The following CDH7 variants were observed in gnomAD, a reference collection of about 807,000 sequenced individuals.
CDH7 encodes cadherin-7.
Under a neutral mutation model 71.8 loss-of-function variants are expected in CDH7, and 25 were observed. The ratio of observed to expected loss-of-function variants is 0.35; its 90% CI spans 0.25 to 0.49. The LOEUF (loss-of-function observed/expected upper bound fraction) is 0.49, where lower values mean the gene tolerates loss of function less well. CDH7 is among the 20% of genes least tolerant of loss of function. CDH7 has a pLI of 0.99. For synonymous variants in CDH7, 381 were observed against 363.8 expected (o/e 1.05, Z -0.54); for missense variants, 862 against 974.6 (o/e 0.88, Z 1.54).
intron 4 of CDH7, among the ~76,000 whole-genome samples, chr18:65,817,463 A>G (rs1204542407): frequency 6.6e-6 from 1 of 152,152 alleles, no homozygotes. Context: ...TTCCAACTTT[A>G]CTACTTCACT....
intron 4 of CDH7, among the ~76,000 whole-genome samples, chr18:65,817,888 C>T (rs2068645): frequency 0.86 from 130,834 of 152,212 alleles, 57,971 homozygotes; most frequent in East Asian, 0.99. Flanking sequence ...CATTTGTGCT[C>T]ATTTCAGTTT....
intron 6 of CDH7, among the ~76,000 whole-genome samples, chr18:65,834,243 G>A (rs887794123): frequency 3.9e-5 from 6 of 152,194 alleles, no homozygotes; most frequent in African/African-American, 1.4e-4. Context: ...GAATGGAGAT[G>A]TGTAGGATGG....
intron 6 of CDH7, among the ~76,000 whole-genome samples, chr18:65,834,757 A>C (rs1021746647): frequency 6.6e-6 from 1 of 152,184 alleles, no homozygotes; most frequent in Non-Finnish European, 1.5e-5. Flanking sequence ...AGAAATTCCC[A>C]TGTCGAGATC....
chr18:65,875,453 G>A (rs1914046598), intron 11 of CDH7, among the ~76,000 whole-genome samples: 1 of 152,162 alleles, frequency 6.6e-6, no homozygotes, highest in Non-Finnish European at 1.5e-5. Flanking sequence ...CAGTAAAGCT[G>A]AGAATAAAGG....
Position 65,824,656 on chromosome 18 carries a change from A to G in CDH7, c.806A>G (p.Tyr269Cys), listed in dbSNP as rs373549208. The G allele has an allele frequency of 1.3e-5, 20 of 1,578,736 alleles. No homozygotes were observed. Among genetic ancestry groups the G allele is most frequent in the East Asian group, 6.8e-5 (3 of 43,994 alleles). Residue 269 changes from tyrosine (Y) to cysteine (C), a missense_variant, in exon 6 of 12, where the codon TAT becomes TGT. Tyr to Cys is a radical substitution (Grantham distance 194, BLOSUM62 -2). Coordinates refer to ENST00000397968, the MANE Select transcript of CDH7 (RefSeq NM_004361.5). ...TTGAATTTCACAGGGTCTTATCAAT[A>G]TAACGTCCCAGAGTCATTACCTGTA... ...PPRFPRRSYQYNVPESLPVAS... is the reference protein window; with the variant it reads ...PPRFPRRSYQCNVPESLPVAS...
In CDH7 at chr18:65,879,285, C is replaced by T. The variant is rs546625456; in HGVS notation, c.1865-1116C>T. Reference sequence around the variant, plus strand: ...AAGATACTTTAAAAATATTTCACGCCTGCTTTTAAAAATATGATGACAATA... The same window carrying T: ...AAGATACTTTAAAAATATTTCACGCTTGCTTTTAAAAATATGATGACAATA... On this transcript the variant is annotated intron_variant, in intron 11 of 11. Transcript: ENST00000397968. 3.3e-5 allele frequency among the ~76,000 whole-genome samples: 5 copies of T among 152,180 alleles called. No individual in the cohort carries two copies. In the East Asian group the frequency reaches 9.7e-4, roughly 29 times the overall value.
chr18:65,872,732 A>G (rs917674674), intron 11 of CDH7, among the ~76,000 whole-genome samples: 35 of 152,008 alleles, frequency 2.3e-4, no homozygotes, highest in African/African-American at 8.5e-4. Flanking sequence ...CTTTCTCTAC[A>G]AAAAATAAAA....
intron 1 of CDH7, among the ~76,000 whole-genome samples, chr18:65,757,103 A>G (rs1057160423): frequency 4.6e-5 from 7 of 151,418 alleles, no homozygotes; most frequent in East Asian, 1.9e-4. Context: ...TGAAAACACC[A>G]TTTGATTAAG....
In CDH7 at chr18:65,852,501, A is replaced by G. The variant is rs112435691; in HGVS notation, c.1236-5315A>G. Among the ~76,000 whole-genome samples the G allele has an allele frequency of 1.7e-3, 265 of 152,256 alleles. 1 individual carries two copies. Among genetic ancestry groups the G allele is most frequent in the African/African-American group, 5.8e-3 (239 of 41,556 alleles). On this transcript the variant is annotated intron_variant, in intron 7 of 11. Coordinates refer to ENST00000397968, the MANE Select transcript of CDH7 (RefSeq NM_004361.5). Reference sequence around the variant, plus strand: ...AAGCACTTGTCACCGCTTATTTACAATGTGGCTTCTGGATCTCTTCCATTG... The same window carrying G: ...AAGCACTTGTCACCGCTTATTTACAGTGTGGCTTCTGGATCTCTTCCATTG...
At chr18:65,861,342 T>C (rs1913558707) in intron 10 of CDH7, among the ~76,000 whole-genome samples, 1 of 151,730 alleles carries the variant, frequency 6.6e-6, no homozygotes, top group Admixed American at 6.6e-5. Flanking sequence ...TGTGTGTTTG[T>C]GTGTGTGTGT....
At chr18:65,763,374 A>G (rs1384799650) in intron 2 of CDH7, among the ~76,000 whole-genome samples, 1 of 152,168 alleles carries the variant, frequency 6.6e-6, no homozygotes, top group Non-Finnish European at 1.5e-5. Context: ...GAACAAGACT[A>G]TTCATAAAAA....
chr18:65,796,504 A>T (rs1910921021), intron 2 of CDH7, among the ~76,000 whole-genome samples: 2 of 152,186 alleles, frequency 1.3e-5, no homozygotes, highest in Non-Finnish European at 2.9e-5. Context: ...TTAGGTAGCT[A>T]CTACATATTT....
chr18:65,873,353 A>G (rs1163365076), intron 11 of CDH7, among the ~76,000 whole-genome samples: 1 of 152,198 alleles, frequency 6.6e-6, no homozygotes, highest in Non-Finnish European at 1.5e-5. Context: ...TTTTGTTTAG[A>G]TCAGTTGTCC....
At chr18:65,855,300 G>GT (rs1183487890) in intron 7 of CDH7, among the ~76,000 whole-genome samples, 1 of 150,682 alleles carries the variant, frequency 6.6e-6, no homozygotes, top group Non-Finnish European at 1.5e-5. Context: ...TTAAAAGCTT[G>GT]TTTTTTTGAA....
At chr18:65,860,899 G>C (rs577064321) in intron 10 of CDH7, among the ~76,000 whole-genome samples, 1 of 152,074 alleles carries the variant, frequency 6.6e-6, no homozygotes, top group African/African-American at 2.4e-5. Context: ...GAATACTATT[G>C]TGTCCCTTTA....
chr18:65,756,959 T>C (rs576577036), intron 1 of CDH7, among the ~76,000 whole-genome samples: 17 of 152,306 alleles, frequency 1.1e-4, no homozygotes, highest in African/African-American at 3.8e-4. Flanking sequence ...ACTTGTTATG[T>C]TTTTAGCATG....
At chr18:65,843,213 T>TA (rs917848568) in intron 6 of CDH7, among the ~76,000 whole-genome samples, 6 of 152,108 alleles carry the variant, frequency 3.9e-5, no homozygotes, top group Non-Finnish European at 7.3e-5. Flanking sequence ...GTTAACCTCC[T>TA]AAAATAGAGA....
chr18:65,825,947 T>C (rs73524507), intron 6 of CDH7, among the ~76,000 whole-genome samples: 12,685 of 151,758 alleles, frequency 0.084, 1,753 homozygotes, highest in African/African-American at 0.29. Context: ...TCATCTGAAA[T>C]CAATCTGTTC....
chr18:65,856,362 G>T (rs1039981589), intron 7 of CDH7, among the ~76,000 whole-genome samples: 1 of 152,106 alleles, frequency 6.6e-6, no homozygotes, highest in Admixed American at 6.6e-5. Flanking sequence ...AGGGCTCATA[G>T]TACATAAATT....
Sources: gnomAD v4.1 joint callset for allele counts (sites outside exome capture counted in the v4.1 genomes callset) on GRCh38, gnomAD v4.1.1 for gene constraint, MANE v1.5 for transcripts, NCBI Gene and HGNC (gene_info 2026-07-23, HGNC 2026-07-21) for gene names.